Variants in MBNL2 observed in about 807,000 individuals in gnomAD.
MBNL2 encodes muscleblind-like protein 2.
A neutral mutation model predicts 41.9 loss-of-function variants in MBNL2; 17 were observed. The ratio of observed to expected loss-of-function variants is 0.41; its 90% CI spans 0.28 to 0.61. MBNL2 has a LOEUF of 0.61. Ranked by LOEUF, MBNL2 falls within the 20% of genes least tolerant of loss-of-function variation. The pLI is 0.35. For synonymous variants in MBNL2, 195 were observed against 182.9 expected (o/e 1.07, Z -0.53); for missense variants, 336 against 505.6 (o/e 0.66, Z 3.22).
chr13:97,222,932 A>C (rs779936518), intron 1 of MBNL2, among the ~76,000 whole-genome samples: 1 of 152,220 alleles, frequency 6.6e-6, no homozygotes, highest in Non-Finnish European at 1.5e-5. Context: ...GGATTAAAAA[A>C]AAATTCATGG....
At chr13:97,379,827 G>A (rs573794281) in intron 8 of MBNL2, among the ~76,000 whole-genome samples, 4 of 152,276 alleles carry the variant, frequency 2.6e-5, no homozygotes, top group African/African-American at 9.6e-5. Context: ...TGGTGATGGT[G>A]GCACAACCAG....
the MBNL2 span, among the ~76,000 whole-genome samples, chr13:97,206,105 T>C: frequency 6.6e-6 from 1 of 152,250 alleles, no homozygotes; most frequent in African/African-American, 2.4e-5. Context: ...GCTTTAGTGC[T>C]CAGTAAACAT....
intron 8 of MBNL2, among the ~76,000 whole-genome samples, chr13:97,367,548 A>C (rs1345100324): frequency 6.6e-6 from 1 of 152,218 alleles, no homozygotes; most frequent in Non-Finnish European, 1.5e-5. Flanking sequence ...CGCATTCTGC[A>C]GGCTGGGAGG....
At chr13:97,205,427 T>C in the MBNL2 span, among the ~76,000 whole-genome samples, 1 of 151,922 alleles carries the variant, frequency 6.6e-6, no homozygotes. Context: ...ATTCAGTGGT[T>C]TCTACAGAGT....
At chr13:97,221,771 T>C (rs761018697), upstream of MBNL2, among the ~76,000 whole-genome samples, 5 of 152,238 alleles carry the variant, frequency 3.3e-5, no homozygotes, top group Non-Finnish European at 5.9e-5. Flanking sequence ...ACAGATGTTA[T>C]ACAGGAAACC....
chr13:97,257,420 T>C (rs1450993825), intron 1 of MBNL2, among the ~76,000 whole-genome samples: 1 of 152,128 alleles, frequency 6.6e-6, no homozygotes, highest in Non-Finnish European at 1.5e-5. Flanking sequence ...TAAAAAACAC[T>C]TACAGGGAAA....
At chr13:97,207,311 T>G in the MBNL2 span, among the ~76,000 whole-genome samples, 1 of 152,202 alleles carries the variant, frequency 6.6e-6, no homozygotes, top group Non-Finnish European at 1.5e-5. Context: ...AGGAGTGTAT[T>G]AGTCCGTTTT....
At chr13:97,152,178 T>C in the MBNL2 span, among the ~76,000 whole-genome samples, 1 of 152,114 alleles carries the variant, frequency 6.6e-6, no homozygotes, top group Non-Finnish European at 1.5e-5. Flanking sequence ...AAAAGGAATC[T>C]AGAGATTAAA....
chr13:97,310,038 A>G (rs2058450601), intron 2 of MBNL2, among the ~76,000 whole-genome samples: 1 of 152,250 alleles, frequency 6.6e-6, no homozygotes, highest in Admixed American at 6.5e-5. Flanking sequence ...GTGGAGGCCT[A>G]GGAGGGTGGT....
At chr13:97,188,731 C>T in the MBNL2 span, among the ~76,000 whole-genome samples, 3 of 152,106 alleles carry the variant, frequency 2.0e-5, no homozygotes, top group African/African-American at 4.8e-5. Flanking sequence ...AGGCAGAGGG[C>T]CAATACTTCT....
In MBNL2 at chr13:97,391,467, C is replaced by A; in HGVS notation, c.*18C>A. 1.0e-6 allele frequency: 1 copy of A among 972,084 alleles called. No individual in the cohort carries two copies. Among genetic ancestry groups the A allele is most frequent in the South Asian group, 1.3e-5 (1 of 77,814 alleles). 60.2% of individuals were successfully genotyped at this position (972,084 alleles called of 1,614,324 possible). A position where few individuals can be genotyped will look rare whatever the true frequency, so the allele number is the denominator to read the frequency against. On this transcript the variant is annotated 3_prime_UTR_variant, in exon 9 of 9. Transcript: ENST00000679496. The stretch of plus-strand genomic sequence containing the variant: ...CATGCTAAATAAAGATGTAGTTCTT[C>A]TGGACAGACCACAACTCTAAGAAGC...
At chr13:97,221,772 A>G (rs1264917924), upstream of MBNL2, among the ~76,000 whole-genome samples, 4 of 152,248 alleles carry the variant, frequency 2.6e-5, no homozygotes, top group Non-Finnish European at 4.4e-5. Flanking sequence ...CAGATGTTAT[A>G]CAGGAAACCT....
chr13:97,363,711 G>C (rs1388072598), intron 7 of MBNL2, among the ~76,000 whole-genome samples: 1 of 152,124 alleles, frequency 6.6e-6, no homozygotes, highest in Non-Finnish European at 1.5e-5. Context: ...ATTTCCAGAA[G>C]TTTGATTGTG....
chr13:97,372,647 T>C (rs997816717), intron 8 of MBNL2, among the ~76,000 whole-genome samples: 5 of 152,188 alleles, frequency 3.3e-5, no homozygotes, highest in African/African-American at 1.2e-4. Flanking sequence ...CAATGATATC[T>C]TATCAGAAAG....
chr13:97,344,030 T>C (rs1321162003), intron 4 of MBNL2, among the ~76,000 whole-genome samples: 4 of 152,206 alleles, frequency 2.6e-5, no homozygotes, highest in Non-Finnish European at 5.9e-5. Flanking sequence ...GGTCTCGAAC[T>C]CCCAACCTCA....
intron 1 of MBNL2, among the ~76,000 whole-genome samples, chr13:97,260,599 G>C (rs1411140863): frequency 6.6e-6 from 1 of 152,218 alleles, no homozygotes; most frequent in Non-Finnish European, 1.5e-5. Context: ...TAGGAATGTG[G>C]ATCCAGAGGC....
Position 97,271,447 on chromosome 13 carries a change from A to T in MBNL2, c.-604-4185A>T, listed in dbSNP as rs185443798. Among the ~76,000 whole-genome samples the T allele has an allele frequency of 7.5e-3, 988 of 132,280 alleles. 11 individuals are homozygous for T. The highest frequency in any genetic ancestry group is 0.026 in the African/African-American group (934 of 36,174). 86.8% of individuals were successfully genotyped at this position (132,280 alleles called of 152,430 possible). A position where few individuals can be genotyped will look rare whatever the true frequency, so the allele number is the denominator to read the frequency against. On this transcript the variant is annotated intron_variant, in intron 1 of 8. Transcript: ENST00000679496. Reference sequence around the variant, plus strand: ...AGATTTATTTATTTATTTATTTCTAAAAAAAAACAAACAAAAAACAAAACA... The same window carrying T: ...AGATTTATTTATTTATTTATTTCTATAAAAAAACAAACAAAAAACAAAACA...
chr13:97,294,409 A>G (rs2056699017), intron 2 of MBNL2, among the ~76,000 whole-genome samples: 1 of 152,258 alleles, frequency 6.6e-6, no homozygotes, highest in African/African-American at 2.4e-5. Context: ...ACCGGTTATT[A>G]GCAGAAGAGA....
At chr13:97,155,381 C>CTTTTTTTTTTTTTTTTTTTTTTTTT in the MBNL2 span, among the ~76,000 whole-genome samples, 1 of 139,880 alleles carries the variant, frequency 7.1e-6, no homozygotes, top group Admixed American at 7.1e-5. Flanking sequence ...AAGTAATTTT[C>CTTTTTTTTTTTTTTTTTTTTTTTTT]TTTTTTTTTT....
Sources: gnomAD v4.1 joint callset for allele counts (sites outside exome capture counted in the v4.1 genomes callset) on GRCh38, gnomAD v4.1.1 for gene constraint, MANE v1.5 for transcripts, NCBI Gene and HGNC (gene_info 2026-07-23, HGNC 2026-07-21) for gene names.